Variants in KLRD1 observed in about 807,000 individuals in gnomAD.
KLRD1 encodes killer cell lectin like receptor D1.
A neutral mutation model predicts 22.6 loss-of-function variants in KLRD1; 21 were observed. The observed-to-expected ratio is 0.93, with a 90% CI of 0.66 to 1.34. The LOEUF is 1.34. Among genes scored for constraint, KLRD1 ranks in the 40% most tolerant of loss-of-function variants. KLRD1 has a pLI of 0.00. For missense variants in KLRD1, 183 were observed against 208.6 expected (o/e 0.88, Z 0.76); for synonymous variants, 59 against 71.1 (o/e 0.83, Z 0.85).
intron 1 of KLRD1, among the ~76,000 whole-genome samples, chr12:10,285,975 G>A (rs1176168676): frequency 2.0e-5 from 3 of 152,058 alleles, no homozygotes; most frequent in Non-Finnish European, 4.4e-5. Context: ...TTTTGCCCAG[G>A]TAAATTGCTT....
intron 1 of KLRD1, among the ~76,000 whole-genome samples, chr12:10,263,943 T>G (rs1949476928): frequency 6.6e-6 from 1 of 152,092 alleles, no homozygotes; most frequent in Non-Finnish European, 1.5e-5. Flanking sequence ...TATATTCTCA[T>G]AGGATGGATG....
Position 10,309,453 on chromosome 12 carries a change from T to C in KLRD1, c.73T>C (p.Ser25Pro), listed in dbSNP as rs10772256. 3 of 1,539,032 alleles carry C rather than the reference T, an allele frequency of 1.9e-6. No homozygotes were observed. In the Admixed American group the frequency reaches 5.0e-5, roughly 26 times the overall value. ...AGGGATAATATGCCTTTCGTTGATG[T>C]CTACGTTGGGAATTTTGTTGAAAAA... is the stretch of plus-strand genomic sequence containing the variant. The part of the protein sequence containing the change: ...TLGIICLSLM[S>P]TLGILLKNSF... Residue 25 changes from serine (S) to proline (P), a missense_variant, in exon 2 of 6, where the codon TCT (serine) becomes CCT (proline). Transcript: ENST00000336164.
At chr12:10,246,930 T>C (rs538126198) in intron 1 of KLRD1, among the ~76,000 whole-genome samples, 28 of 129,252 alleles carry the variant, frequency 2.2e-4, no homozygotes, top group African/African-American at 9.7e-4. Flanking sequence ...TTTCTTTTCT[T>C]TTCTTTTTTT....
chr12:10,297,606 G>T (rs1419930156), intron 1 of KLRD1, among the ~76,000 whole-genome samples: 2 of 151,862 alleles, frequency 1.3e-5, no homozygotes, highest in Non-Finnish European at 2.9e-5. Context: ...ACTCTTTCAG[G>T]GTTGTCACTA....
intron 3 of KLRD1, among the ~76,000 whole-genome samples, chr12:10,309,934 A>G (rs928923896): frequency 1.3e-5 from 2 of 152,240 alleles, no homozygotes; most frequent in Non-Finnish European, 2.9e-5. Context: ...TATGTTTCCT[A>G]TATGAGTGCT....
chr12:10,249,337 A>G (rs1949323515), intron 1 of KLRD1, among the ~76,000 whole-genome samples: 1 of 152,196 alleles, frequency 6.6e-6, no homozygotes, highest in South Asian at 2.1e-4. Context: ...GAGAAACAGT[A>G]TTGAATTGCA....
rs1377923729 is a variant in KLRD1 at position 10,324,279 on chromosome 12, C to T, written c.*9486C>T. The T allele has an allele frequency of 6.6e-6, 1 of 152,076 alleles. No homozygotes were observed. The highest frequency in any genetic ancestry group is 1.5e-5 in the Non-Finnish European group (1 of 68,036). The allele number at this position is 152,076 out of a possible 1,614,324, so 9.4% of individuals were successfully genotyped here. ...TTTAGGTTCAGGGTATATATGTAGG[C>T]TTCTTATATGAGTACATTGCATGTT... On this transcript the variant is annotated 3_prime_UTR_variant, in exon 6 of 6. Transcript: ENST00000336164.
chr12:10,238,965 A>T (rs1949208157), intron 1 of KLRD1, among the ~76,000 whole-genome samples: 1 of 152,220 alleles, frequency 6.6e-6, no homozygotes, highest in South Asian at 2.1e-4. Context: ...TTCAGACTTC[A>T]AAACCTTTGA....
chr12:10,282,785 G>A (rs549501206), intron 1 of KLRD1, among the ~76,000 whole-genome samples: 1 of 152,240 alleles, frequency 6.6e-6, no homozygotes, highest in Non-Finnish European at 1.5e-5. Flanking sequence ...AATGAGCGAC[G>A]TTTGACGTAG....
chr12:10,312,571 G>A (rs1321721830), intron 4 of KLRD1, among the ~76,000 whole-genome samples: 3 of 148,528 alleles, frequency 2.0e-5, no homozygotes, highest in Non-Finnish European at 3.0e-5. Flanking sequence ...GTAGAGACGC[G>A]GTTTCACCGT....
intron 1 of KLRD1, among the ~76,000 whole-genome samples, chr12:10,259,676 A>C (rs1183375193): frequency 6.6e-6 from 1 of 152,214 alleles, no homozygotes. Flanking sequence ...AACCCAAAGA[A>C]TATTGTGGGC....
In KLRD1 at chr12:10,327,978, T is replaced by A. The variant is rs1950376111; in HGVS notation, c.*13185T>A. On this transcript the variant is annotated 3_prime_UTR_variant, in exon 6 of 6. Coordinates refer to ENST00000336164, the MANE Select transcript of KLRD1 (RefSeq NM_002262.5). ...GTATATTACATTAATTGATTTTGTA[T>A]GTTAGGCTATCCTTGCACCCCAGGG... 6.6e-6 allele frequency: 1 copy of A among 152,188 alleles called. No individual in the cohort carries two copies. Among genetic ancestry groups the A allele is most frequent in the Non-Finnish European group, 1.5e-5 (1 of 68,022 alleles). 9.4% of individuals were successfully genotyped at this position (152,188 alleles called of 1,614,324 possible).
At chr12:10,239,076 C>A (rs1949209388) in intron 1 of KLRD1, among the ~76,000 whole-genome samples, 2 of 152,132 alleles carry the variant, frequency 1.3e-5, no homozygotes, top group African/African-American at 4.8e-5. Flanking sequence ...AAAGACTTTT[C>A]CTTTATCTTT....
At chr12:10,309,321 C>A (rs1034746307) in intron 1 of KLRD1, 67 bp from the exon 2 acceptor site, 4 of 752,210 alleles carry the variant, frequency 5.3e-6, no homozygotes, top group Non-Finnish European at 7.2e-6. Flanking sequence ...TCACTAGTTT[C>A]TGCTTTTAAG....
chr12:10,300,487 C>G (rs1949857273), upstream of KLRD1, among the ~76,000 whole-genome samples: 1 of 152,276 alleles, frequency 6.6e-6, no homozygotes, highest in South Asian at 2.1e-4. Flanking sequence ...AAAATATTTA[C>G]TAAACCATGT....
At position 10,320,230 on chromosome 12, in the gene KLRD1, T is replaced by C. The variant is rs1275494868; in HGVS notation, c.*5437T>C. 6.7e-6 allele frequency: 1 copy of C among 148,778 alleles called. No individual in the cohort carries two copies. Among genetic ancestry groups the C allele is most frequent in the African/African-American group, 2.5e-5 (1 of 40,646 alleles). The allele number at this position is 148,778 out of a possible 1,614,324, so 9.2% of individuals were successfully genotyped here. The stretch of plus-strand genomic sequence containing the variant: ...GTCACATAGCAATAATCAATACATA[T>C]TTTGGTACCAAGAATGAAGTTACTA... On this transcript the variant is annotated 3_prime_UTR_variant, in exon 6 of 6. Transcript: ENST00000336164.
chr12:10,252,036 C>T (rs1178174552), intron 1 of KLRD1, among the ~76,000 whole-genome samples: 1 of 152,160 alleles, frequency 6.6e-6, no homozygotes, highest in East Asian at 1.9e-4. Context: ...GGAGAGACAA[C>T]ATACCAGTTC....
intron 1 of KLRD1, among the ~76,000 whole-genome samples, chr12:10,289,495 C>G (rs74060317): frequency 0.016 from 2,388 of 152,314 alleles, 52 homozygotes; most frequent in African/African-American, 0.054. Context: ...AATTCTGTGA[C>G]CACTATTTGC....
At chr12:10,244,974 A>T (rs1949277617) in intron 1 of KLRD1, among the ~76,000 whole-genome samples, 1 of 152,300 alleles carries the variant, frequency 6.6e-6, no homozygotes, top group Non-Finnish European at 1.5e-5. Context: ...TGCGTGCATT[A>T]GCTCAAATAA....
Sources: gnomAD v4.1 joint callset for allele counts (sites outside exome capture counted in the v4.1 genomes callset) on GRCh38, gnomAD v4.1.1 for gene constraint, MANE v1.5 for transcripts, NCBI Gene and HGNC (gene_info 2026-07-23, HGNC 2026-07-21) for gene names.